The following NUBPL variants were observed in gnomAD, a reference collection of about 807,000 sequenced individuals.
NUBPL encodes the protein iron-sulfur cluster transfer protein NUBPL.
In NUBPL, 31 loss-of-function variants were observed where a neutral mutation model predicts 45.7. The observed-to-expected ratio is 0.68, with a 90% CI of 0.51 to 0.92. The LOEUF is 0.92. Among genes scored for constraint, NUBPL ranks in the 40% least tolerant of loss-of-function variants. NUBPL has a pLI of 0.00. For missense variants in NUBPL, 401 were observed against 398.7 expected (o/e 1.01, Z -0.05); for synonymous variants, 144 against 140.9 (o/e 1.02, Z -0.15).
At chr14:31,756,176 G>A (rs1252784913) in intron 6 of NUBPL, among the ~76,000 whole-genome samples, 2 of 152,006 alleles carry the variant, frequency 1.3e-5, no homozygotes, top group African/African-American at 4.8e-5. Context: ...TTGACTTGGT[G>A]ATGCGGGCTC....
intron 6 of NUBPL, among the ~76,000 whole-genome samples, chr14:31,682,114 G>A (rs1197979994): frequency 6.6e-6 from 1 of 152,060 alleles, no homozygotes; most frequent in Non-Finnish European, 1.5e-5. Context: ...AAATTAATGA[G>A]AGAGGAGTGT....
rs375298289 is a variant in NUBPL, at chr14:31,595,975, T to C, written c.292-3314T>C. 1.5e-3 allele frequency among the ~76,000 whole-genome samples: 225 copies of C among 151,396 alleles called. 2 individuals are homozygous for C. In the East Asian group the frequency reaches 0.036, roughly 24 times the overall value. ...AGGCTGGAGTGCAGTGGCGCAATCT[T>C]GGCCCACTGCAAGCTCCACCTCCTG... On this transcript the variant is annotated intron_variant, in intron 3 of 10. Transcript: ENST00000281081.
intron 7 of NUBPL, among the ~76,000 whole-genome samples, chr14:31,824,864 G>A (rs981202880): frequency 5.3e-5 from 8 of 152,040 alleles, no homozygotes; most frequent in African/African-American, 1.7e-4. Context: ...TAATTATAAG[G>A]TGATGGTCAG....
chr14:31,608,690 G>A (rs1417208568), intron 4 of NUBPL, among the ~76,000 whole-genome samples: 2 of 152,220 alleles, frequency 1.3e-5, no homozygotes, highest in Non-Finnish European at 1.5e-5. Flanking sequence ...AACTATGTGT[G>A]TAATCTACTC....
At chr14:31,799,583 T>C (rs192910203) in intron 7 of NUBPL, among the ~76,000 whole-genome samples, 5 of 152,328 alleles carry the variant, frequency 3.3e-5, no homozygotes, top group African/African-American at 1.2e-4. Context: ...CTTTTTGGTT[T>C]CTCAGTACAT....
intron 6 of NUBPL, among the ~76,000 whole-genome samples, chr14:31,758,156 A>T (rs1595590288): frequency 6.6e-6 from 1 of 152,114 alleles, no homozygotes; most frequent in African/African-American, 2.4e-5. Context: ...TGTAAGTTCC[A>T]TGGTGGTGAT....
intron 7 of NUBPL, among the ~76,000 whole-genome samples, chr14:31,824,675 T>C (rs1256843589): frequency 1.3e-5 from 2 of 152,174 alleles, no homozygotes; most frequent in Admixed American, 6.5e-5. Flanking sequence ...CCTACCACTT[T>C]TCTCTATTTG....
intron 8 of NUBPL, among the ~76,000 whole-genome samples, chr14:31,842,304 A>C (rs1333297329): frequency 6.6e-6 from 1 of 152,014 alleles, no homozygotes; most frequent in Non-Finnish European, 1.5e-5. Flanking sequence ...GGACGTTCTT[A>C]AGATGAGGAA....
intron 7 of NUBPL, among the ~76,000 whole-genome samples, chr14:31,795,211 G>A (rs1164678446): frequency 6.6e-6 from 1 of 151,472 alleles, no homozygotes; most frequent in South Asian, 2.1e-4. Flanking sequence ...ACTTGGCAAT[G>A]CAGGCTCTTT....
chr14:31,581,227 G>A (rs535161079), intron 3 of NUBPL, among the ~76,000 whole-genome samples: 216 of 136,266 alleles, frequency 1.6e-3, no homozygotes, highest in Middle Eastern at 0.012. Flanking sequence ...TTTTTGGTAT[G>A]GTAAAATATG....
intron 6 of NUBPL, among the ~76,000 whole-genome samples, chr14:31,721,088 C>T (rs908211669): frequency 1.3e-5 from 2 of 152,052 alleles, no homozygotes; most frequent in African/African-American, 2.4e-5. Flanking sequence ...TTTGGGGAGT[C>T]GTATGGGTTA....
chr14:31,665,814 A>G (rs1214470501), intron 4 of NUBPL, among the ~76,000 whole-genome samples: 1 of 152,064 alleles, frequency 6.6e-6, no homozygotes, highest in Non-Finnish European at 1.5e-5. Context: ...TGATCTGTCT[A>G]GTATTGACAG....
At chr14:31,717,120 C>G (rs1429343975) in intron 6 of NUBPL, among the ~76,000 whole-genome samples, 4 of 152,108 alleles carry the variant, frequency 2.6e-5, no homozygotes, top group African/African-American at 9.7e-5. Context: ...AAAATCTAAC[C>G]TAGGAAAAAG....
intron 6 of NUBPL, among the ~76,000 whole-genome samples, chr14:31,680,344 A>G (rs1180668631): frequency 6.6e-6 from 1 of 152,156 alleles, no homozygotes; most frequent in African/African-American, 2.4e-5. Context: ...TTTTGTTGCT[A>G]TGAAAGATGA....
At chr14:31,684,974 G>T (rs1162135803) in intron 6 of NUBPL, among the ~76,000 whole-genome samples, 2 of 152,186 alleles carry the variant, frequency 1.3e-5, no homozygotes, top group African/African-American at 4.8e-5. Context: ...AACAGGAAAA[G>T]AAGTAGTTCA....
Position 31,581,616 on chromosome 14 carries a change from G to A in NUBPL, c.291+16568G>A, listed in dbSNP as rs74040875. Among the ~76,000 whole-genome samples, 419 of 152,256 alleles carry A rather than the reference G, an allele frequency of 2.8e-3. 2 individuals carry two copies. Among genetic ancestry groups the A allele is most frequent in the African/African-American group, 9.3e-3 (387 of 41,540 alleles). ...TTTTAGCAACTATGTGAATAGTATT[G>A]AAATTTCCTGGGATGGAGAAGACTC... is the stretch of plus-strand genomic sequence containing the variant. On this transcript the variant is annotated intron_variant, in intron 3 of 10. Transcript: ENST00000281081.
chr14:31,646,728 T>C (rs2035864120), intron 4 of NUBPL, among the ~76,000 whole-genome samples: 1 of 152,156 alleles, frequency 6.6e-6, no homozygotes. Flanking sequence ...TCTCTGATCT[T>C]CCTGAACATG....
intron 4 of NUBPL, among the ~76,000 whole-genome samples, chr14:31,635,935 G>A (rs1259267748): frequency 6.6e-6 from 1 of 152,136 alleles, no homozygotes; most frequent in African/African-American, 2.4e-5. Context: ...TTTGTACATT[G>A]ATTTTGTATC....
intron 6 of NUBPL, among the ~76,000 whole-genome samples, chr14:31,717,647 A>T (rs1281647829): frequency 6.6e-6 from 1 of 152,126 alleles, no homozygotes; most frequent in African/African-American, 2.4e-5. Context: ...CTCTTAATCT[A>T]AGCCTTAAAA....
Sources: gnomAD v4.1 joint callset for allele counts (sites outside exome capture counted in the v4.1 genomes callset) on GRCh38, gnomAD v4.1.1 for gene constraint, MANE v1.5 for transcripts, NCBI Gene and HGNC (gene_info 2026-07-23, HGNC 2026-07-21) for gene names.